ARHGAP31: variants seen among roughly 807,000 people sequenced by gnomAD.
ARHGAP31 encodes rho GTPase-activating protein 31.
Under a neutral mutation model 113.9 loss-of-function variants are expected in ARHGAP31, and 34 were observed. The ratio of observed to expected loss-of-function variants is 0.30; its 90% CI spans 0.23 to 0.40. ARHGAP31 has a LOEUF of 0.40. Ranked by LOEUF, ARHGAP31 falls within the 10% of genes least tolerant of loss-of-function variation. The pLI is 1.00. For missense variants in ARHGAP31, 1,548 were observed against 1,767.1 expected (o/e 0.88, Z 2.22); for synonymous variants, 650 against 684.8 (o/e 0.95, Z 0.79).
chr3:119,304,293 G>A (rs1017230264), intron 1 of ARHGAP31, among the ~76,000 whole-genome samples: 5 of 152,216 alleles, frequency 3.3e-5, no homozygotes, highest in African/African-American at 9.6e-5. Context: ...TAGAGGATGA[G>A]CAAGCAGGGG....
rs568329669 is a variant in ARHGAP31 at position 119,416,793 on chromosome 3, A to G, written c.*529A>G. 5.6e-5 allele frequency: 10 copies of G among 178,644 alleles called. No individual in the cohort carries two copies. The East Asian group carries it at 1.5e-3, about 27-fold the overall frequency. The allele number at this position is 178,644 out of a possible 1,614,324, so 11.1% of individuals were successfully genotyped here. On this transcript the variant is annotated 3_prime_UTR_variant, in exon 12 of 12. Coordinates refer to ENST00000264245, the MANE Select transcript of ARHGAP31 (RefSeq NM_020754.4). ...AATGTACTATCCAAATTAGAAGCGG[A>G]TTTGGAAATGCAAACTAACGTGCAC...
At chr3:119,300,125 G>T (rs1371028312) in intron 1 of ARHGAP31, among the ~76,000 whole-genome samples, 1 of 152,230 alleles carries the variant, frequency 6.6e-6, no homozygotes, top group East Asian at 1.9e-4. Flanking sequence ...GTTCCCAGCT[G>T]AGTGACCCTG....
chr3:119,343,856 TC>T (rs1463852459), intron 1 of ARHGAP31, among the ~76,000 whole-genome samples: 1 of 152,192 alleles, frequency 6.6e-6, no homozygotes, highest in Non-Finnish European at 1.5e-5. Flanking sequence ...GAAGTTTGGC[TC>T]CCTGACACAC....
chr3:119,303,986 C>T (rs1362245138), intron 1 of ARHGAP31, among the ~76,000 whole-genome samples: 1 of 152,052 alleles, frequency 6.6e-6, no homozygotes, highest in African/African-American at 2.4e-5. Flanking sequence ...AATAGAGACA[C>T]GGTTTCACTA....
chr3:119,334,685 T>C (rs1176687775), intron 1 of ARHGAP31, among the ~76,000 whole-genome samples: 1 of 152,226 alleles, frequency 6.6e-6, no homozygotes, highest in Non-Finnish European at 1.5e-5. Context: ...TCAACCTGAC[T>C]CTCCCATTGA....
At chr3:119,302,311 C>T (rs2079591379) in intron 1 of ARHGAP31, among the ~76,000 whole-genome samples, 1 of 152,196 alleles carries the variant, frequency 6.6e-6, no homozygotes, top group Non-Finnish European at 1.5e-5. Flanking sequence ...TAAGGCTTCA[C>T]ATTTAAAACC....
At chr3:119,298,244 C>T (rs2079550501) in intron 1 of ARHGAP31, among the ~76,000 whole-genome samples, 1 of 152,208 alleles carries the variant, frequency 6.6e-6, no homozygotes, top group Non-Finnish European at 1.5e-5. Flanking sequence ...CTAACTTTCT[C>T]TTCCTGTCTG....
At position 119,416,412 on chromosome 3, in the gene ARHGAP31, T is replaced by C; in HGVS notation, c.*148T>C. The C allele has an allele frequency of 1.8e-6, 2 of 1,128,958 alleles. No individual in the cohort carries two copies. The highest frequency in any genetic ancestry group is 2.6e-6 in the Non-Finnish European group (2 of 777,904). 69.9% of individuals were successfully genotyped at this position (1,128,958 alleles called of 1,614,324 possible). ...CTTTCTTCAGCCTTTTGACCACTTA[T>C]TAATTAGTCCATTTGCTAGAAGAGT... On this transcript the variant is annotated 3_prime_UTR_variant, in exon 12 of 12. Transcript: ENST00000264245.
intron 1 of ARHGAP31, among the ~76,000 whole-genome samples, chr3:119,310,763 G>A (rs772273654): frequency 2.6e-5 from 4 of 152,184 alleles, no homozygotes; most frequent in African/African-American, 4.8e-5. Context: ...ACCATTTAGC[G>A]AGAGCACTTT....
intron 1 of ARHGAP31, among the ~76,000 whole-genome samples, chr3:119,320,142 T>C (rs939927599): frequency 6.6e-6 from 1 of 152,238 alleles, no homozygotes; most frequent in African/African-American, 2.4e-5. Context: ...CAAGGTATGG[T>C]ATGTAGTATT....
Position 119,384,928 on chromosome 3 carries a change from CTTT to C in ARHGAP31, c.682+1715_682+1717del, listed in dbSNP as rs113212997. Among the ~76,000 whole-genome samples the C allele has an allele frequency of 4.2e-5, 6 of 141,658 alleles. No individual in the cohort carries two copies. In the East Asian group the frequency reaches 1.2e-3, roughly 29 times the overall value. 92.9% of individuals were successfully genotyped at this position (141,658 alleles called of 152,430 possible). On this transcript the variant is annotated intron_variant, in intron 6 of 11. Transcript: ENST00000264245. ...TCATGCCATATATGGTCTTTGGTGA[CTTT>C]TTTTTTTTTTTTGGATGGAGTCTCA...
chr3:119,395,548 G>A (rs1419632888), intron 8 of ARHGAP31, among the ~76,000 whole-genome samples: 1 of 152,278 alleles, frequency 6.6e-6, no homozygotes, highest in Non-Finnish European at 1.5e-5. Flanking sequence ...TATCCCACTA[G>A]GTCCAGAGGG....
At chr3:119,359,807 TCTC>T (rs2080190230) in intron 1 of ARHGAP31, among the ~76,000 whole-genome samples, 1 of 152,130 alleles carries the variant, frequency 6.6e-6, no homozygotes, top group Non-Finnish European at 1.5e-5. Context: ...CTTTACTGCG[TCTC>T]TTGGGAAAAT....
intron 1 of ARHGAP31, among the ~76,000 whole-genome samples, chr3:119,343,379 T>A (rs1234261723): frequency 6.6e-6 from 1 of 152,234 alleles, no homozygotes; most frequent in Non-Finnish European, 1.5e-5. Context: ...TGAGGACTGT[T>A]AAACTTGCCT....
intron 1 of ARHGAP31, among the ~76,000 whole-genome samples, chr3:119,357,680 C>T (rs755957481): frequency 3.3e-5 from 5 of 152,194 alleles, no homozygotes; most frequent in Non-Finnish European, 7.3e-5. Context: ...AAACACTTCT[C>T]ACTCTTTTTT....
At chr3:119,320,042 C>T (rs879011379) in intron 1 of ARHGAP31, among the ~76,000 whole-genome samples, 3 of 152,202 alleles carry the variant, frequency 2.0e-5, no homozygotes, top group Non-Finnish European at 4.4e-5. Flanking sequence ...ACATCTACCC[C>T]ACAGAGAGTC....
intron 7 of ARHGAP31, among the ~76,000 whole-genome samples, chr3:119,392,304 C>T (rs375068353): frequency 2.6e-5 from 4 of 152,068 alleles, no homozygotes; most frequent in Non-Finnish European, 5.9e-5. Context: ...AAATATCAGC[C>T]GGGTGTGGTG....
chr3:119,394,181 A>G (rs1313896583), intron 8 of ARHGAP31, among the ~76,000 whole-genome samples: 2 of 152,254 alleles, frequency 1.3e-5, no homozygotes, highest in African/African-American at 4.8e-5. Context: ...TAGGAGGTAC[A>G]TGATGTCAAT....
In ARHGAP31 at chr3:119,377,540, A is replaced by T. The variant is rs150180667; in HGVS notation, c.349-3364A>T. Among the ~76,000 whole-genome samples, 1,142 of 152,304 alleles carry T rather than the reference A, an allele frequency of 7.5e-3. 12 individuals carry two copies. Among genetic ancestry groups the T allele is most frequent in the African/African-American group, 0.023 (972 of 41,576 alleles). On this transcript the variant is annotated intron_variant, in intron 3 of 11. Coordinates refer to ENST00000264245, the MANE Select transcript of ARHGAP31 (RefSeq NM_020754.4). Reference sequence around the variant, plus strand: ...CTTGCTTAGGGGACATGTGGAGGCCAGTGTGGCCTGTATGGAGCAAGGCAG... The same window carrying T: ...CTTGCTTAGGGGACATGTGGAGGCCTGTGTGGCCTGTATGGAGCAAGGCAG...
Sources: gnomAD v4.1 joint callset for allele counts (sites outside exome capture counted in the v4.1 genomes callset) on GRCh38, gnomAD v4.1.1 for gene constraint, MANE v1.5 for transcripts, NCBI Gene and HGNC (gene_info 2026-07-23, HGNC 2026-07-21) for gene names.